ADGRA3: variants seen among roughly 807,000 people sequenced by gnomAD.
ADGRA3 encodes the protein G-protein coupled receptor 125.
In ADGRA3, 56 loss-of-function variants were observed where a neutral mutation model predicts 119.8. That is an observed-to-expected ratio of 0.47 (90% CI 0.38 to 0.58). The LOEUF (loss-of-function observed/expected upper bound fraction) is 0.58. Among genes scored for constraint, ADGRA3 ranks in the 20% least tolerant of loss-of-function variants. The pLI, the probability that ADGRA3 is intolerant of heterozygous loss-of-function variation, is 0.00. For synonymous variants in ADGRA3, 607 were observed against 623.8 expected, an observed-to-expected ratio of 0.97 and a Z score of 0.40; for missense variants, 1,516 against 1,649.0, an observed-to-expected ratio of 0.92 and a Z score of 1.40.
chr4:22,506,777 T>C (rs1048376382), intron 1 of ADGRA3, among the ~76,000 whole-genome samples: 3 of 152,054 alleles, frequency 2.0e-5, no homozygotes, highest in Non-Finnish European at 4.4e-5. Context: ...GGAGGAATAG[T>C]GTACTTTTGT....
At chr4:22,510,313 T>C (rs1719406871) in intron 1 of ADGRA3, among the ~76,000 whole-genome samples, 1 of 152,150 alleles carries the variant, frequency 6.6e-6, no homozygotes, top group Non-Finnish European at 1.5e-5. Context: ...CTCCTGGCCA[T>C]CAAATCCAGT....
intron 14 of ADGRA3, among the ~76,000 whole-genome samples, chr4:22,407,162 G>A (rs191193838): frequency 8.5e-5 from 13 of 152,184 alleles, no homozygotes; most frequent in African/African-American, 2.9e-4. Flanking sequence ...TCCCAGCTAC[G>A]CAGGAGGCTG....
intron 1 of ADGRA3, among the ~76,000 whole-genome samples, chr4:22,484,251 T>A (rs770516052): frequency 1.3e-5 from 2 of 152,052 alleles, no homozygotes; most frequent in Middle Eastern, 3.2e-3. Flanking sequence ...TATACAGAGG[T>A]TCTACCCATT....
chr4:22,501,563 G>A (rs1240458025), intron 1 of ADGRA3, among the ~76,000 whole-genome samples: 1 of 152,046 alleles, frequency 6.6e-6, no homozygotes, highest in African/African-American at 2.4e-5. Context: ...TACCAGTCAC[G>A]GAGGGAGCCT....
At chr4:22,435,031 TGG>T (rs1716339526) in intron 10 of ADGRA3, among the ~76,000 whole-genome samples, 1 of 152,102 alleles carries the variant, frequency 6.6e-6, no homozygotes, top group Non-Finnish European at 1.5e-5. Flanking sequence ...AGCCACAACG[TGG>T]AGGCAGAACA....
At chr4:22,455,801 T>TA in intron 3 of ADGRA3, 5 of 1,288,086 alleles carry the variant, frequency 3.9e-6, no homozygotes, top group Non-Finnish European at 5.1e-6. Context: ...ACAATATCTG[T>TA]AACTTACACC....
chr4:22,415,117 C>A (rs2109026385), intron 12 of ADGRA3, among the ~76,000 whole-genome samples: 1 of 152,220 alleles, frequency 6.6e-6, no homozygotes, highest in Non-Finnish European at 1.5e-5. Flanking sequence ...CTCCTCAAGC[C>A]AGAGTATGAG....
At chr4:22,413,078 AAAAAAAAAAAAAAC>A in intron 14 of ADGRA3, 90 bp downstream of exon 14, 3 of 852,224 alleles carry the variant, frequency 3.5e-6, no homozygotes, top group Non-Finnish European at 5.6e-6. Flanking sequence ...TTAAAAGTAA[AAAAAAAAAAAAAAC>A]AAAAAACAAA....
intron 17 of ADGRA3, among the ~76,000 whole-genome samples, chr4:22,390,068 T>C (rs1319007315): frequency 6.6e-6 from 1 of 151,942 alleles, no homozygotes; most frequent in African/African-American, 2.4e-5. Flanking sequence ...CCTATAAAAC[T>C]ATAATTCTGC....
chr4:22,413,118 A>C (rs1347367271), intron 14 of ADGRA3, 64 bp downstream of exon 14: 2 of 1,174,612 alleles, frequency 1.7e-6, no homozygotes. Context: ...ACTTCATTTG[A>C]GCTTAATTAT....
Position 22,388,822 on chromosome 4 carries a change from T to C in ADGRA3, c.2849A>G (p.Tyr950Cys), listed in dbSNP as rs1298941024. 6.2e-7 allele frequency: 1 copy of C among 1,614,088 alleles called. No individual in the cohort carries two copies. Among genetic ancestry groups the C allele is most frequent in the Admixed American group, 1.7e-5 (1 of 60,010 alleles). ...CTCCTCCGTGGGCTCCTTAAGCTCA[T>C]ATTTGCGCTCAGGGTGTCTTTTCAA... ...IQLKRHPERK[Y>C]ELKEPTEEQQ... Residue 950 changes from tyrosine (Y) to cysteine (C), a missense_variant, in exon 19 of 19, where the codon TAT becomes TGT. Tyr to Cys is a radical substitution (Grantham distance 194). Transcript: ENST00000334304.
At chr4:22,445,154 T>G (rs1261305140) in intron 5 of ADGRA3, 21 bp from the exon 6 acceptor site, 2 of 1,609,154 alleles carry the variant, frequency 1.2e-6, no homozygotes, top group Admixed American at 3.3e-5. Context: ...CAAATACAAC[T>G]TAGAGATTAT....
intron 4 of ADGRA3, among the ~76,000 whole-genome samples, chr4:22,449,604 T>C (rs185103727): frequency 1.3e-5 from 2 of 152,186 alleles, no homozygotes; most frequent in Admixed American, 1.3e-4. Context: ...TCCAGCACTT[T>C]GGGAGGCCAA....
At chr4:22,405,352 C>T (rs975064419) in intron 14 of ADGRA3, among the ~76,000 whole-genome samples, 1 of 151,926 alleles carries the variant, frequency 6.6e-6, no homozygotes, top group Non-Finnish European at 1.5e-5. Context: ...CCAGCCTGAG[C>T]AACACAGTGA....
intron 1 of ADGRA3, among the ~76,000 whole-genome samples, chr4:22,495,634 C>A (rs908512763): frequency 2.0e-5 from 3 of 151,942 alleles, no homozygotes; most frequent in Non-Finnish European, 1.5e-5. Flanking sequence ...ATAGGCCGGG[C>A]GTGGTGGCTC....
chr4:22,390,290 T>C (rs967773530), intron 17 of ADGRA3, among the ~76,000 whole-genome samples: 1 of 146,382 alleles, frequency 6.8e-6, no homozygotes, highest in Admixed American at 6.9e-5. Flanking sequence ...ATCTTCTCTA[T>C]TGCTTATTTC....
At chr4:22,428,447 C>T (rs1716029379) in intron 10 of ADGRA3, among the ~76,000 whole-genome samples, 6 of 152,030 alleles carry the variant, frequency 3.9e-5, no homozygotes, top group African/African-American at 2.4e-5. Context: ...TGATCTAGGC[C>T]GTTCCATATT....
chr4:22,398,018 T>G (rs1332770140), intron 16 of ADGRA3: 7 of 957,440 alleles, frequency 7.3e-6, no homozygotes, highest in Non-Finnish European at 6.2e-6. Flanking sequence ...GTCAGCGACA[T>G]GAAGAAGAGG....
chr4:22,500,569 T>C (rs996132066), intron 1 of ADGRA3, among the ~76,000 whole-genome samples: 3 of 152,212 alleles, frequency 2.0e-5, no homozygotes, highest in African/African-American at 7.2e-5. Context: ...TCACGAATAT[T>C]ACCAAACCAG....
Sources: gnomAD v4.1 joint callset for allele counts (sites outside exome capture counted in the v4.1 genomes callset) on GRCh38, gnomAD v4.1.1 for gene constraint, MANE v1.5 for transcripts, NCBI Gene and HGNC (gene_info 2026-07-23, HGNC 2026-07-21) for gene names.